Variants in PCDHA3 observed in about 807,000 individuals in gnomAD.
PCDHA3 encodes the protein protocadherin alpha 3.
In PCDHA3, 41 loss-of-function variants were observed where a neutral mutation model predicts 62.2. The observed-to-expected ratio is 0.66, with a 90% CI of 0.51 to 0.86. PCDHA3 has a LOEUF of 0.86. PCDHA3 is among the 40% of genes least tolerant of loss of function. The pLI is 0.00. For synonymous variants in PCDHA3, 640 were observed against 555.4 expected, an observed-to-expected ratio of 1.15 and a Z score of -2.14; for missense variants, 1,304 against 1,241.2, an observed-to-expected ratio of 1.05 and a Z score of -0.76.
At chr5:140,813,358 CT>C (rs1554126173) in intron 1 of PCDHA3, 1 of 152,170 alleles carries the variant, frequency 6.6e-6, no homozygotes, top group Non-Finnish European at 1.5e-5. Flanking sequence ...ATAGTATAGC[CT>C]ACTACAGACC....
intron 2 of PCDHA3, among the ~76,000 whole-genome samples, chr5:140,981,337 G>A (rs2096927522): frequency 6.6e-6 from 1 of 152,146 alleles, no homozygotes; most frequent in African/African-American, 2.4e-5. Context: ...ACTTTGGGAG[G>A]GTGAGGCAGG....
At chr5:140,969,606 C>T (rs2096345912) in intron 1 of PCDHA3, 1 of 758,598 alleles carries the variant, frequency 1.3e-6, no homozygotes, top group South Asian at 2.1e-5. Context: ...AATGCTAAAA[C>T]ACAGATTTGT....
chr5:140,858,302 A>T, intron 1 of PCDHA3: 1 of 1,597,158 alleles, frequency 6.3e-7, no homozygotes, highest in South Asian at 1.1e-5. Context: ...CTCGCAGCAG[A>T]GGCGGCAGAG....
Position 140,821,010 on chromosome 5 carries a change from C to G in PCDHA3, c.2394+17419C>G, listed in dbSNP as rs1020612182. ...TATAGATAAAGAAATAGGTTTTCAT[C>G]GATTTGAAAATTAGAACTCCGAGAA... On this transcript the variant is annotated intron_variant, in intron 1 of 3. Coordinates refer to ENST00000522353, the MANE Select transcript of PCDHA3 (RefSeq NM_018906.3). Among the ~76,000 whole-genome samples the G allele has an allele frequency of 3.3e-5, 5 of 151,734 alleles. No homozygotes were observed. In the South Asian group the frequency reaches 1.0e-3, roughly 32 times the overall value.
At chr5:140,976,241 T>C (rs1170027788) in intron 1 of PCDHA3, among the ~76,000 whole-genome samples, 3 of 152,144 alleles carry the variant, frequency 2.0e-5, no homozygotes, top group African/African-American at 4.8e-5. Context: ...TGTCATTTCA[T>C]GTAAATTTAT....
chr5:140,882,577 C>T (rs370671644), intron 1 of PCDHA3: 45 of 1,614,120 alleles, frequency 2.8e-5, no homozygotes, highest in East Asian at 1.3e-4. Flanking sequence ...CGGAGTGCAG[C>T]ATCCACCTGG....
At chr5:140,884,563 T>G in intron 1 of PCDHA3, 4 of 1,614,150 alleles carry the variant, frequency 2.5e-6, no homozygotes, top group Non-Finnish European at 3.4e-6. Context: ...AGGGCCCGCA[T>G]AAGACGGACC....
intron 1 of PCDHA3, among the ~76,000 whole-genome samples, chr5:140,888,214 G>T (rs2061741689): frequency 6.6e-6 from 1 of 152,130 alleles, no homozygotes; most frequent in African/African-American, 2.4e-5. Context: ...TGGATTTTGT[G>T]TGTGTGTGCA....
intron 1 of PCDHA3, chr5:140,926,592 C>T: frequency 3.3e-6 from 1 of 298,858 alleles, no homozygotes; most frequent in Non-Finnish European, 6.1e-6. Flanking sequence ...CGCGCCCGGG[C>T]GGGCGGCCTC....
intron 3 of PCDHA3, among the ~76,000 whole-genome samples, chr5:140,986,383 A>G (rs1277624649): frequency 2.6e-5 from 4 of 152,178 alleles, no homozygotes; most frequent in Admixed American, 1.3e-4. Flanking sequence ...GGGGAGGGAC[A>G]TTAAAGGGCC....
At chr5:140,873,725 A>G (rs1235492447) in intron 1 of PCDHA3, among the ~76,000 whole-genome samples, 7 of 152,112 alleles carry the variant, frequency 4.6e-5, no homozygotes, top group Non-Finnish European at 7.4e-5. Context: ...CAGTGGCGCA[A>G]TCTCAGCTCA....
At chr5:140,995,689 T>A (rs528829345) in intron 3 of PCDHA3, among the ~76,000 whole-genome samples, 33 of 152,250 alleles carry the variant, frequency 2.2e-4, no homozygotes, top group Admixed American at 6.5e-4. Flanking sequence ...TTTTAATTGT[T>A]AAATAAAGGG....
intron 1 of PCDHA3, chr5:140,829,722 C>T: frequency 6.2e-7 from 1 of 1,613,622 alleles, no homozygotes; most frequent in East Asian, 2.2e-5. Context: ...GGCGTGCCGC[C>T]TCTGGGCAGC....
intron 1 of PCDHA3, chr5:140,863,366 C>T (rs1408958867): frequency 6.7e-6 from 8 of 1,190,328 alleles, no homozygotes; most frequent in African/African-American, 4.6e-5. Flanking sequence ...CGGTGCTTGG[C>T]GCAGCTCACC....
At position 141,011,086 on chromosome 5, in the gene PCDHA3, C is replaced by T. The variant is rs1181884726; in HGVS notation, c.*1149C>T. The T allele has an allele frequency of 2.6e-5, 4 of 153,678 alleles. No homozygotes were observed. Among genetic ancestry groups the T allele is most frequent in the African/African-American group, 9.7e-5 (4 of 41,430 alleles). The allele number at this position is 153,678 out of a possible 1,614,324, so 9.5% of individuals were successfully genotyped here. On this transcript the variant is annotated 3_prime_UTR_variant, in exon 4 of 4. Coordinates refer to ENST00000522353, the MANE Select transcript of PCDHA3 (RefSeq NM_018906.3). ...TGTATTACTAAATAAAATGATCTCT[C>T]TTTCTCTCTCTCTCTCTCTTTTCTA...
At chr5:141,005,304 A>G (rs2098205361) in intron 3 of PCDHA3, among the ~76,000 whole-genome samples, 1 of 152,200 alleles carries the variant, frequency 6.6e-6, no homozygotes, top group Non-Finnish European at 1.5e-5. Context: ...GCCTTTGTGA[A>G]TCTTACAGTG....
intron 1 of PCDHA3, chr5:140,841,384 C>T (rs1222164678): frequency 1.2e-6 from 2 of 1,613,362 alleles, no homozygotes; most frequent in Non-Finnish European, 1.7e-6. Context: ...TTCTGCTCCT[C>T]GCAGCCTGGA....
At chr5:140,883,973 G>C (rs782157297) in intron 1 of PCDHA3, 1 of 1,612,840 alleles carries the variant, frequency 6.2e-7, no homozygotes, top group Non-Finnish European at 8.5e-7. Flanking sequence ...GCTGACGCCC[G>C]GGGCTGGCAG....
At chr5:140,869,601 T>C (rs1581902552) in intron 1 of PCDHA3, 1 of 1,613,936 alleles carries the variant, frequency 6.2e-7, no homozygotes, top group East Asian at 2.2e-5. Context: ...AAGAGAATGC[T>C]CTATTGACCT....
Sources: allele counts gnomAD v4.1 joint callset (sites outside exome capture counted in the v4.1 genomes callset), GRCh38; gene constraint gnomAD v4.1.1; transcripts MANE v1.5; gene names NCBI Gene and HGNC (gene_info 2026-07-23, HGNC 2026-07-21).